TAX1BP1: variants seen among roughly 807,000 people sequenced by gnomAD.
TAX1BP1 encodes the protein Tax1 binding protein 1.
In TAX1BP1, 62 loss-of-function variants were observed where a neutral mutation model predicts 97.7. The observed-to-expected ratio is 0.63, with a 90% CI of 0.52 to 0.78. TAX1BP1 has a LOEUF of 0.78. TAX1BP1 is among the 30% of genes least tolerant of loss of function. The pLI is 0.00. For synonymous variants in TAX1BP1, 340 were observed against 304.2 expected (o/e 1.12, Z -1.23); for missense variants, 867 against 916.1 (o/e 0.95, Z 0.69).
chr7:27,745,063 C>A (rs967318328), intron 1 of TAX1BP1, among the ~76,000 whole-genome samples: 1 of 152,258 alleles, frequency 6.6e-6, no homozygotes, highest in African/African-American at 2.4e-5. Flanking sequence ...GTTGACTGGA[C>A]GTTTCATACT....
In TAX1BP1 at chr7:27,764,291, C is replaced by G. The variant is rs547170252; in HGVS notation, c.266-1543C>G. On this transcript the variant is annotated intron_variant, in intron 3 of 16. Coordinates refer to ENST00000396319, the MANE Select transcript of TAX1BP1 (RefSeq NM_006024.7). ...CATGTTGTCTTAGTCTCCTTGGTTT[C>G]CTCCTTATCTTTCATAACCTTTACT... Among the ~76,000 whole-genome samples, 4 of 152,258 alleles carry G rather than the reference C, an allele frequency of 2.6e-5. No homozygotes were observed. The East Asian group carries it at 7.7e-4, about 29-fold the overall frequency.
At chr7:27,787,953 C>T (rs1174138687) in intron 8 of TAX1BP1, among the ~76,000 whole-genome samples, 2 of 152,050 alleles carry the variant, frequency 1.3e-5, no homozygotes, top group Non-Finnish European at 2.9e-5. Context: ...GAATAACAGT[C>T]ATTCTCATAG....
chr7:27,792,116 A>C lies in TAX1BP1; in HGVS notation c.1149A>C (p.Val383=), dbSNP rs764124035. 1 of 1,614,090 alleles carries C rather than the reference A, an allele frequency of 6.2e-7. No individual in the cohort carries two copies. Among genetic ancestry groups the C allele is most frequent in the East Asian group, 2.2e-5 (1 of 44,882 alleles). Residue 383 remains valine (V), a synonymous_variant, in exon 9 of 17, where the codon GTA becomes GTC. Transcript: ENST00000396319. ...LAKELSDAVN[V]RDRTMADLHT... ...AAGAACTCAGTGATGCTGTCAACGT[A>C]CGAGACAGAACGATGGCAGACCTGC...
chr7:27,775,134 G>C (rs1432895541), intron 5 of TAX1BP1, among the ~76,000 whole-genome samples: 2 of 152,050 alleles, frequency 1.3e-5, no homozygotes, highest in Non-Finnish European at 2.9e-5. Flanking sequence ...GAGAAGCTAT[G>C]GTTATACATC....
Position 27,828,637 on chromosome 7 carries a change from T to G in TAX1BP1, c.2178T>G (p.Val726=). The G allele has an allele frequency of 6.2e-7, 1 of 1,613,834 alleles. No homozygotes were observed. Among genetic ancestry groups the G allele is most frequent in the Non-Finnish European group, 8.5e-7 (1 of 1,179,860 alleles). The change falls in exon 17 of 17, where the codon GTT becomes GTG. Residue 726 remains valine, a synonymous_variant. Coordinates refer to ENST00000396319, the MANE Select transcript of TAX1BP1 (RefSeq NM_006024.7). ...TGFCFDSSFD[V]HKKCPLCELM... is the part of the protein sequence containing the mutation. Reference sequence around the variant, plus strand: ...CATTTTTCTCTTTAAGCTTTGATGTTCACAAGAAGTGTCCCCTCTGTGAGT... The same window carrying G: ...CATTTTTCTCTTTAAGCTTTGATGTGCACAAGAAGTGTCCCCTCTGTGAGT...
At chr7:27,753,724 A>G (rs1202665326) in intron 2 of TAX1BP1, among the ~76,000 whole-genome samples, 2 of 151,816 alleles carry the variant, frequency 1.3e-5, no homozygotes, top group African/African-American at 2.4e-5. Flanking sequence ...TCTGTTGCTA[A>G]TTTTGAATAA....
intron 15 of TAX1BP1, among the ~76,000 whole-genome samples, chr7:27,826,786 C>T (rs1476953298): frequency 6.6e-6 from 1 of 152,154 alleles, no homozygotes; most frequent in African/African-American, 2.4e-5. Context: ...ACTTGACAAC[C>T]TCTGAAATAT....
At chr7:27,777,820 C>T (rs1217367434) in intron 5 of TAX1BP1, among the ~76,000 whole-genome samples, 2 of 152,140 alleles carry the variant, frequency 1.3e-5, no homozygotes, top group African/African-American at 4.8e-5. Flanking sequence ...TAGAGGTGAC[C>T]TCTGTTGTTT....
rs750614499 is a variant in TAX1BP1 at position 27,787,606 on chromosome 7, A to G, written c.1038+3A>G. On this transcript the variant is annotated splice_donor_region_variant and intron_variant, in intron 8 of 16. Coordinates refer to ENST00000396319, the MANE Select transcript of TAX1BP1 (RefSeq NM_006024.7). ...TCCTGCTTACAACCTCAAGTAAAGTAAGTACTTTTGCTATATATATTTGAA... is the reference window on the plus strand; with the variant it reads ...TCCTGCTTACAACCTCAAGTAAAGTGAGTACTTTTGCTATATATATTTGAA... 2 of 1,600,490 alleles carry G rather than the reference A, an allele frequency of 1.2e-6. No individual in the cohort carries two copies. Among genetic ancestry groups the G allele is most frequent in the African/African-American group, 1.4e-5 (1 of 73,986 alleles).
chr7:27,757,462 G>A (rs1434367557), intron 2 of TAX1BP1, among the ~76,000 whole-genome samples: 1 of 152,010 alleles, frequency 6.6e-6, no homozygotes, highest in Non-Finnish European at 1.5e-5. Flanking sequence ...TTAGGGGGAG[G>A]CAGATGTCTA....
chr7:27,776,014 T>C (rs949123994), intron 5 of TAX1BP1, among the ~76,000 whole-genome samples: 9 of 149,926 alleles, frequency 6.0e-5, no homozygotes, highest in African/African-American at 2.2e-4. Flanking sequence ...TCTTTCTCTC[T>C]CTCCCCAGCT....
chr7:27,744,382 C>T (rs1381010068), intron 1 of TAX1BP1, among the ~76,000 whole-genome samples: 2 of 152,206 alleles, frequency 1.3e-5, no homozygotes, highest in African/African-American at 4.8e-5. Flanking sequence ...GCCTCGGCCT[C>T]CCAAAGTGCT....
rs1358048006 is a variant in TAX1BP1, at chr7:27,828,690, G to A, written c.2231G>A (p.Ser744Asn). The A allele has an allele frequency of 1.2e-6, 2 of 1,614,060 alleles. No homozygotes were observed. Among genetic ancestry groups the A allele is most frequent in the East Asian group, 4.5e-5 (2 of 44,880 alleles). ...ELMFPPNYDQ[S>N]KFEEHVESHW... ...ATGTTTCCTCCTAACTATGATCAGA[G>A]CAAATTTGAAGAACATGTTGAAAGT... is the stretch of plus-strand genomic sequence containing the variant. The change falls in exon 17 of 17, where the codon AGC becomes AAC. Residue 744 changes from serine to asparagine, a missense_variant. By Grantham distance (46) the Ser-to-Asn change is conservative. This residue lies in a region of TAX1BP1 where 11 missense variants were observed against 31.4 expected (regional missense o/e 0.35). Coordinates refer to ENST00000396319, the MANE Select transcript of TAX1BP1 (RefSeq NM_006024.7).
chr7:27,807,142 C>A (rs1246433024), intron 13 of TAX1BP1, among the ~76,000 whole-genome samples: 3 of 151,816 alleles, frequency 2.0e-5, no homozygotes, highest in Non-Finnish European at 4.4e-5. Context: ...GTATAGTGAA[C>A]TCTCATTTAT....
chr7:27,751,473 T>A (rs1788018989), intron 2 of TAX1BP1, among the ~76,000 whole-genome samples: 1 of 152,198 alleles, frequency 6.6e-6, no homozygotes, highest in Non-Finnish European at 1.5e-5. Flanking sequence ...TGTGTATATA[T>A]TCGTTGAACC....
intron 1 of TAX1BP1, among the ~76,000 whole-genome samples, chr7:27,741,217 C>T (rs1177176148): frequency 6.6e-6 from 1 of 152,250 alleles, no homozygotes. Flanking sequence ...TTTCTACGAG[C>T]TGTGCACGAA....
intron 13 of TAX1BP1, among the ~76,000 whole-genome samples, chr7:27,811,522 C>T (rs1298342149): frequency 6.6e-6 from 1 of 151,944 alleles, no homozygotes; most frequent in African/African-American, 2.4e-5. Context: ...GCAGCAAAAC[C>T]AGCTCAACTT....
intron 15 of TAX1BP1, among the ~76,000 whole-genome samples, chr7:27,824,194 C>A (rs532118272): frequency 1.3e-4 from 20 of 152,120 alleles, no homozygotes; most frequent in African/African-American, 4.8e-4. Flanking sequence ...TGAGGAACTA[C>A]CATGTATGAT....
intron 2 of TAX1BP1, among the ~76,000 whole-genome samples, chr7:27,750,048 C>T (rs1225309774): frequency 1.3e-5 from 2 of 152,162 alleles, no homozygotes; most frequent in African/African-American, 2.4e-5. Context: ...GTCCCAGCCT[C>T]CCAAAGTGCT....
Sources: gnomAD v4.1 joint callset for allele counts (sites outside exome capture counted in the v4.1 genomes callset) on GRCh38, gnomAD v4.1.1 for gene constraint, gnomAD v4.1.1 regional missense constraint, MANE v1.5 for transcripts, NCBI Gene and HGNC (gene_info 2026-07-23, HGNC 2026-07-21) for gene names.